The following ERN1 variants were observed in gnomAD, a reference collection of about 807,000 sequenced individuals.
ERN1 encodes serine/threonine-protein kinase/endoribonuclease IRE1.
In ERN1, 39 loss-of-function variants were observed where a neutral mutation model predicts 113.1. The observed-to-expected ratio is 0.34, with a 90% confidence interval of 0.27 to 0.45. The LOEUF is 0.45. Among genes scored for constraint, ERN1 ranks in the 20% least tolerant of loss-of-function variants. ERN1 has a pLI of 1.00. For missense variants in ERN1, 976 were observed against 1,274.8 expected, an observed-to-expected ratio of 0.77 and a Z score of 3.57; for synonymous variants, 507 against 515.9, an observed-to-expected ratio of 0.98 and a Z score of 0.23.
chr17:64,113,806 C>A (rs752826831), intron 1 of ERN1, among the ~76,000 whole-genome samples: 15 of 152,028 alleles, frequency 9.9e-5, no homozygotes, highest in Non-Finnish European at 1.9e-4. Context: ...CCTCAGCCTC[C>A]CGAGTAGCTG....
intron 1 of ERN1, among the ~76,000 whole-genome samples, chr17:64,117,420 G>A (rs1227411647): frequency 6.6e-6 from 1 of 151,800 alleles, no homozygotes; most frequent in East Asian, 1.9e-4. Context: ...TCCAGTGTGG[G>A]CGACACAGTG....
At chr17:64,117,400 G>A (rs139184600) in intron 1 of ERN1, among the ~76,000 whole-genome samples, 233 of 151,542 alleles carry the variant, frequency 1.5e-3, no homozygotes, top group African/African-American at 5.6e-3. Flanking sequence ...CCAAAATCAC[G>A]CCACTGCACT....
intron 1 of ERN1, among the ~76,000 whole-genome samples, chr17:64,105,527 GA>G (rs1914501520): frequency 6.6e-6 from 1 of 152,118 alleles, no homozygotes; most frequent in Non-Finnish European, 1.5e-5. Flanking sequence ...TTTGTTTTAG[GA>G]ATATCACACC....
intron 7 of ERN1, chr17:64,067,891 C>T: frequency 3.4e-6 from 1 of 293,168 alleles, no homozygotes; most frequent in Non-Finnish European, 6.5e-6. Flanking sequence ...TTTACTTCTA[C>T]TTTCCATGGG....
intron 1 of ERN1, among the ~76,000 whole-genome samples, chr17:64,114,716 A>G (rs1425166944): frequency 6.6e-6 from 1 of 151,858 alleles, no homozygotes; most frequent in African/African-American, 2.4e-5. Flanking sequence ...CACCTGGAAG[A>G]AAAAAAAGCA....
intron 2 of ERN1, among the ~76,000 whole-genome samples, chr17:64,089,318 C>CAAAAAAA (rs34094164): frequency 4.1e-5 from 1 of 24,234 alleles, no homozygotes. Flanking sequence ...GAATCCATCT[C>CAAAAAAA]AAAAAAAAAA....
intron 2 of ERN1, among the ~76,000 whole-genome samples, chr17:64,086,637 C>CTT (rs773655917): frequency 0.054 from 2,577 of 47,512 alleles, 1,042 homozygotes; most frequent in African/African-American, 0.077. Context: ...CTTTTCTTTC[C>CTT]TTTTTTTTTT....
At chr17:64,102,362 G>A (rs930412451) in intron 1 of ERN1, among the ~76,000 whole-genome samples, 1 of 152,204 alleles carries the variant, frequency 6.6e-6, no homozygotes, top group Non-Finnish European at 1.5e-5. Context: ...AAAGTTTAGA[G>A]AGAAGCTGAA....
intron 7 of ERN1, 79 bp from the exon 8 acceptor site, chr17:64,067,011 T>G: frequency 6.7e-7 from 1 of 1,487,292 alleles, no homozygotes; most frequent in Non-Finnish European, 9.3e-7. Flanking sequence ...TGGCAGGCTC[T>G]AGTCACTCAG....
chr17:64,100,088 CTGTT>C (rs1270645652), intron 1 of ERN1, among the ~76,000 whole-genome samples: 1 of 152,178 alleles, frequency 6.6e-6, no homozygotes. Context: ...GCAAAGGTCA[CTGTT>C]TGGGAGTGGT....
At chr17:64,120,475 GA>G (rs1228418800) in intron 1 of ERN1, among the ~76,000 whole-genome samples, 4 of 152,172 alleles carry the variant, frequency 2.6e-5, no homozygotes, top group Non-Finnish European at 5.9e-5. Flanking sequence ...ATCTGACAGA[GA>G]GGGGGGAAAT....
rs1020070134 is a variant in ERN1, at chr17:64,064,085, C to G, written c.988G>C (p.Gly330Arg). ...GTGCTGGGCGTGATCACACACTCCCCCTTGTCCCCAATGGTGACGCCATCA... is the reference window on the plus strand; with the variant it reads ...GTGCTGGGCGTGATCACACACTCCCGCTTGTCCCCAATGGTGACGCCATCA... ...QTDGVTIGDKGECVITPSTDV... is the reference protein window; with the variant it reads ...QTDGVTIGDKRECVITPSTDV... Residue 330 changes from glycine (G) to arginine (R), a missense_variant, in exon 10 of 22, where the codon GGG becomes CGG. Around this residue, in one of 5 missense-constraint regions of ERN1, gnomAD observed 459 missense variants for 581.2 expected, o/e 0.79. Transcript: ENST00000433197. The G allele has an allele frequency of 6.2e-7, 1 of 1,613,218 alleles. No individual in the cohort carries two copies. The highest frequency in any genetic ancestry group is 8.5e-7 in the Non-Finnish European group (1 of 1,179,508).
Position 64,069,863 on chromosome 17 carries a change from ACTTTGGGGGT to A in ERN1, c.479-1582_479-1573del, listed in dbSNP as rs536595158. 3.5e-3 allele frequency among the ~76,000 whole-genome samples: 540 copies of A among 152,160 alleles called. 3 individuals are homozygous for A. Among genetic ancestry groups the A allele is most frequent in the Middle Eastern group, 0.014 (4 of 294 alleles). On this transcript the variant is annotated intron_variant, in intron 6 of 21. Coordinates refer to ENST00000433197, the MANE Select transcript of ERN1 (RefSeq NM_001433.5). ...ATTTTGGGACTGATGCTGGGATTGG[ACTTTGGGGGT>A]CTTTGGAGGGAGTGGGAGGGTTGTA...
chr17:64,065,137 TA>T (rs1913178652), intron 9 of ERN1, 71 bp downstream of exon 9: 1 of 1,085,724 alleles, frequency 9.2e-7, no homozygotes. Flanking sequence ...TGCTCATGCA[TA>T]GCAAAGTCAT....
chr17:64,079,163 G>A (rs1913689693), intron 4 of ERN1, among the ~76,000 whole-genome samples: 1 of 152,062 alleles, frequency 6.6e-6, no homozygotes, highest in African/African-American at 2.4e-5. Context: ...TTCTGGGATT[G>A]GGCCCTATGT....
At chr17:64,066,448 T>C (rs1308369028) in intron 8 of ERN1, among the ~76,000 whole-genome samples, 1 of 152,106 alleles carries the variant, frequency 6.6e-6, no homozygotes, top group African/African-American at 2.4e-5. Context: ...ACACCTCCCA[T>C]CCATGATTTT....
At chr17:64,074,772 T>G (rs1187874532) in intron 5 of ERN1, among the ~76,000 whole-genome samples, 1 of 152,246 alleles carries the variant, frequency 6.6e-6, no homozygotes, top group Non-Finnish European at 1.5e-5. Context: ...TATTAAGTGC[T>G]GTTCTATCAA....
At chr17:64,088,826 TGACAA>T (rs1320365754) in intron 2 of ERN1, among the ~76,000 whole-genome samples, 1 of 152,186 alleles carries the variant, frequency 6.6e-6, no homozygotes, top group East Asian at 1.9e-4. Context: ...AGCACAGGGA[TGACAA>T]GACAACATGA....
At chr17:64,096,007 G>A (rs1031449963) in intron 2 of ERN1, among the ~76,000 whole-genome samples, 16 of 152,326 alleles carry the variant, frequency 1.1e-4, no homozygotes, top group Middle Eastern at 3.4e-3. Flanking sequence ...GAAGTCCTGT[G>A]TTCTCATATT....
Sources: gnomAD v4.1 joint callset for allele counts (sites outside exome capture counted in the v4.1 genomes callset) on GRCh38, gnomAD v4.1.1 for gene constraint, gnomAD v4.1.1 regional missense constraint, MANE v1.5 for transcripts, NCBI Gene and HGNC (gene_info 2026-07-23, HGNC 2026-07-21) for gene names.